The following PLXNC1 variants were observed in gnomAD, a reference collection of about 807,000 sequenced individuals.
The protein encoded by PLXNC1 is plexin C1.
In PLXNC1, 75 loss-of-function variants were observed where a neutral mutation model predicts 178.2. The observed-to-expected ratio is 0.42, with a 90% CI of 0.35 to 0.51. PLXNC1 has a LOEUF of 0.51. PLXNC1 is among the 20% of genes least tolerant of loss of function. PLXNC1 has a pLI of 0.02. For missense variants in PLXNC1, 1,503 were observed against 1,984.4 expected (o/e 0.76, Z 4.61); for synonymous variants, 790 against 779.9 (o/e 1.01, Z -0.22).
intron 4 of PLXNC1, among the ~76,000 whole-genome samples, chr12:94,195,444 T>C (rs17022174): frequency 0.21 from 31,643 of 152,010 alleles, 3,657 homozygotes; most frequent in African/African-American, 0.29. Flanking sequence ...TTTAGTGCCA[T>C]GATGGAATCA....
chr12:94,197,712 A>G (rs1377585410), intron 4 of PLXNC1, among the ~76,000 whole-genome samples: 1 of 152,192 alleles, frequency 6.6e-6, no homozygotes, highest in Non-Finnish European at 1.5e-5. Context: ...GGGGGCCATT[A>G]TTCTGCCTAC....
intron 2 of PLXNC1, among the ~76,000 whole-genome samples, chr12:94,177,052 T>C (rs1962074918): frequency 9.1e-6 from 1 of 109,592 alleles, no homozygotes; most frequent in Non-Finnish European, 1.8e-5. Flanking sequence ...ATTTCATATA[T>C]ATGTGTGTGT....
chr12:94,202,781 A>T (rs1472043712), intron 4 of PLXNC1, among the ~76,000 whole-genome samples: 1 of 152,168 alleles, frequency 6.6e-6, no homozygotes, highest in Non-Finnish European at 1.5e-5. Context: ...GTCTAGAGAG[A>T]TAGACTCATC....
chr12:94,242,937 A>G (rs950717776), intron 11 of PLXNC1, among the ~76,000 whole-genome samples: 2 of 152,220 alleles, frequency 1.3e-5, no homozygotes, highest in East Asian at 3.8e-4. Context: ...CTGCTTTGCT[A>G]TAAAGTAAGA....
intron 1 of PLXNC1, among the ~76,000 whole-genome samples, chr12:94,153,490 T>G (rs1321687353): frequency 6.6e-6 from 1 of 152,230 alleles, no homozygotes; most frequent in Non-Finnish European, 1.5e-5. Flanking sequence ...GTTAATCAAT[T>G]TGACTTCCTA....
At chr12:94,226,504 G>A in intron 7 of PLXNC1, 101 bp from the exon 8 acceptor site, 1 of 425,266 alleles carries the variant, frequency 2.4e-6, no homozygotes, top group Non-Finnish European at 3.9e-6. Flanking sequence ...TTTTTTTTTT[G>A]CCTTCTTTTA....
chr12:94,278,155 C>A (rs1966126687), intron 21 of PLXNC1: 3 of 386,556 alleles, frequency 7.8e-6, no homozygotes, highest in South Asian at 1.8e-5. Flanking sequence ...CCAAAAAAAA[C>A]AAAACAAAAT....
intron 1 of PLXNC1, among the ~76,000 whole-genome samples, chr12:94,159,194 A>T (rs1288970476): frequency 1.3e-5 from 2 of 152,234 alleles, no homozygotes; most frequent in Non-Finnish European, 2.9e-5. Flanking sequence ...CTTTTACATT[A>T]AGATGATAGC....
chr12:94,173,131 C>T (rs1221549607), intron 2 of PLXNC1, among the ~76,000 whole-genome samples: 1 of 152,166 alleles, frequency 6.6e-6, no homozygotes, highest in East Asian at 1.9e-4. Context: ...AGCATCTCCA[C>T]TGAGATCAGC....
intron 4 of PLXNC1, among the ~76,000 whole-genome samples, chr12:94,202,144 A>G (rs1963150148): frequency 6.6e-6 from 1 of 152,170 alleles, no homozygotes; most frequent in African/African-American, 2.4e-5. Context: ...AGCCTGTCTA[A>G]AGTGGGTTCC....
chr12:94,180,213 T>TA (rs1314002377), intron 2 of PLXNC1, among the ~76,000 whole-genome samples: 2 of 152,110 alleles, frequency 1.3e-5, no homozygotes, highest in Non-Finnish European at 2.9e-5. Flanking sequence ...CTTACTATCT[T>TA]ACTGTTCACT....
intron 4 of PLXNC1, among the ~76,000 whole-genome samples, chr12:94,195,975 C>T (rs572468950): frequency 2.0e-5 from 3 of 152,108 alleles, no homozygotes; most frequent in African/African-American, 7.2e-5. Flanking sequence ...ATCTTGCTCT[C>T]CTGTCTTGAG....
At chr12:94,179,512 G>A (rs180825477) in intron 2 of PLXNC1, among the ~76,000 whole-genome samples, 3 of 152,214 alleles carry the variant, frequency 2.0e-5, no homozygotes, top group Non-Finnish European at 4.4e-5. Context: ...AGGCAGAGGC[G>A]AGCGGATCAC....
intron 4 of PLXNC1, among the ~76,000 whole-genome samples, chr12:94,208,738 G>A (rs1963379271): frequency 6.6e-6 from 1 of 152,196 alleles, no homozygotes; most frequent in Non-Finnish European, 1.5e-5. Context: ...AACACCCTTT[G>A]GCGATAACGT....
At position 94,260,536 on chromosome 12, in the gene PLXNC1, C is replaced by T. The variant is rs894951816; in HGVS notation, c.3252-106C>T. On this transcript the variant is annotated intron_variant, in intron 19 of 30. Transcript: ENST00000258526. The surrounding 1 kb of genome is among the most constrained non-coding windows in gnomAD (Gnocchi z 4.4). ...AAAAAAAAAAAAAAAAAGCTCCCAA[C>T]CCAACAGGCCAGCTCCCTGCCCTGC... 17 of 663,568 alleles carry T rather than the reference C, an allele frequency of 2.6e-5. No homozygotes were observed. In the African/African-American group the frequency reaches 2.8e-4, roughly 11 times the overall value. The allele number at this position is 663,568 out of a possible 1,614,324, so 41.1% of individuals were successfully genotyped here.
intron 1 of PLXNC1, among the ~76,000 whole-genome samples, chr12:94,165,195 CAG>C (rs1479343608): frequency 3.9e-5 from 6 of 152,214 alleles, no homozygotes; most frequent in Admixed American, 6.5e-5. Context: ...TCTCTGGACA[CAG>C]GGGGCTGACT....
intron 27 of PLXNC1, 30 bp downstream of exon 27, chr12:94,298,825 T>C: frequency 6.3e-7 from 1 of 1,588,602 alleles, no homozygotes; most frequent in Non-Finnish European, 8.6e-7. Flanking sequence ...GTGACTGTTT[T>C]CAAGAATCTG....
chr12:94,224,225 C>CA lies in PLXNC1; in HGVS notation c.1703-2dup. 6.4e-7 allele frequency: 1 copy of CA among 1,573,024 alleles called. No individual in the cohort carries two copies. Among genetic ancestry groups the CA allele is most frequent in the Non-Finnish European group, 8.8e-7 (1 of 1,142,460 alleles). On this transcript the variant is annotated splice_polypyrimidine_tract_variant and splice_region_variant and intron_variant, in intron 6 of 30. Coordinates refer to ENST00000258526, the MANE Select transcript of PLXNC1 (RefSeq NM_005761.3). ...AAATGACATTTTCCCCCCTTCCCTC[C>CA]AGATGTTTCAGTTGTCAACGTGATG...
intron 30 of PLXNC1, 38 bp downstream of exon 30, chr12:94,304,089 C>A: frequency 3.2e-6 from 4 of 1,252,318 alleles, no homozygotes; most frequent in South Asian, 1.3e-5. Context: ...ACCTTTGAAT[C>A]AGGCACAAGG....
Sources: allele counts gnomAD v4.1 joint callset (sites outside exome capture counted in the v4.1 genomes callset), GRCh38; gene constraint gnomAD v4.1.1; non-coding constraint Gnocchi (gnomAD v3.1); transcripts MANE v1.5; gene names NCBI Gene and HGNC (gene_info 2026-07-23, HGNC 2026-07-21).